DDX5: variants seen among roughly 807,000 people sequenced by gnomAD.
DDX5 encodes DEAD-box helicase 5, also known as probable ATP-dependent RNA helicase DDX5.
A neutral mutation model predicts 68.6 loss-of-function variants in DDX5; 6 were observed. That is an observed-to-expected ratio of 0.09 (90% CI 0.05 to 0.17). The LOEUF is 0.17. Ranked by LOEUF, DDX5 falls within the 10% of genes least tolerant of loss-of-function variation. The pLI, the probability that DDX5 is intolerant of heterozygous loss-of-function variation, is 1.00. For synonymous variants in DDX5, 350 were observed against 247.0 expected, an observed-to-expected ratio of 1.42 and a Z score of -3.91; for missense variants, 499 against 756.1, an observed-to-expected ratio of 0.66 and a Z score of 3.99.
At position 64,499,937 on chromosome 17, in the gene DDX5, C is replaced by T; in HGVS notation, c.1831G>A (p.Gly611Arg). ...APMIGYPMPTGYSQ is the reference protein window; with the variant it reads ...APMIGYPMPTRYSQ ...CTTCTAAAGTCTTATTGGGAATATC[C>T]TGTTGGCATTGGATAACCAATCATA... The change falls in exon 13 of 13, where the codon GGA becomes AGA. Residue 611 changes from glycine to arginine, a missense_variant. By Grantham distance (125) the Gly-to-Arg change is moderately radical. Around this residue, in one of 5 missense-constraint regions of DDX5, gnomAD observed 171 missense variants for 174.8 expected, o/e 0.98. Coordinates refer to ENST00000225792, the MANE Select transcript of DDX5 (RefSeq NM_004396.5). The T allele has an allele frequency of 1.2e-6, 2 of 1,602,566 alleles. No individual in the cohort carries two copies. The highest frequency in any genetic ancestry group is 1.7e-6 in the Non-Finnish European group (2 of 1,173,464).
rs1187106739 is a variant in DDX5, at chr17:64,506,248, G to A, written c.-129C>T. ...CGGAGGAAGGACACCGATGACACCAGCCGAAGCTGCACTACTAGAGACCGG... is the reference window on the plus strand; with the variant it reads ...CGGAGGAAGGACACCGATGACACCAACCGAAGCTGCACTACTAGAGACCGG... On this transcript the variant is annotated 5_prime_UTR_variant, in exon 1 of 13. Coordinates refer to ENST00000225792, the MANE Select transcript of DDX5 (RefSeq NM_004396.5). The A allele has an allele frequency of 3.9e-6, 6 of 1,547,988 alleles. No homozygotes were observed. The highest frequency in any genetic ancestry group is 1.7e-4 in the Middle Eastern group (1 of 5,986).
In DDX5 at chr17:64,503,532, C is replaced by T; in HGVS notation, c.547G>A (p.Val183Met). The change falls in exon 6 of 13, where the codon GTG becomes ATG. Residue 183 changes from valine (V) to methionine (M), a missense_variant. Coordinates refer to ENST00000225792, the MANE Select transcript of DDX5 (RefSeq NM_004396.5). ...LAPTRELAQQVQQVAAEYCRA... is the reference protein window; with the variant it reads ...LAPTRELAQQMQQVAAEYCRA... ...CAATATTCAGCAGCTACTTGCTGCACCTGTTGGGCCAGTTCCCGAGTTGGT... is the reference window on the plus strand; with the variant it reads ...CAATATTCAGCAGCTACTTGCTGCATCTGTTGGGCCAGTTCCCGAGTTGGT... 6.2e-7 allele frequency: 1 copy of T among 1,614,236 alleles called. No individual in the cohort carries two copies. The highest frequency in any genetic ancestry group is 1.3e-5 in the African/African-American group (1 of 75,064).
In DDX5 at chr17:64,499,366, G is replaced by A. The variant is rs2144242968; in HGVS notation, c.*557C>T. On this transcript the variant is annotated 3_prime_UTR_variant, in exon 13 of 13. Transcript: ENST00000225792. ...TTAAATGACTCCCCTGATGCTGGAA[G>A]CTGACAAAGCTTTTATGCAATTTAG... 6.6e-6 allele frequency among the ~76,000 whole-genome samples: 1 copy of A among 152,248 alleles called. No individual in the cohort carries two copies. Among genetic ancestry groups the A allele is most frequent in the East Asian group, 1.9e-4 (1 of 5,186 alleles).
chr17:64,505,858 A>G (rs565639302), intron 1 of DDX5: 48 of 1,536,012 alleles, frequency 3.1e-5, no homozygotes, highest in Non-Finnish European at 3.6e-5. Flanking sequence ...CAGCTCCCCA[A>G]TCCCCACACA....
rs544762345 is a variant in DDX5 at position 64,502,519 on chromosome 17, A to G, written c.1014T>C (p.Ser338=). Residue 338 remains serine, a synonymous_variant, in exon 9 of 13, where the codon AGT becomes AGC. Transcript: ENST00000225792. ...AAACAATGGTTTTATTCTCCTTCTC[A>G]CTCATGATCTCTTCCATTAGACGAA... ...KLIRLMEEIM[S]EKENKTIVFV... is the part of the protein sequence containing the mutation. 58 of 1,613,266 alleles carry G rather than the reference A, an allele frequency of 3.6e-5. No individual in the cohort carries two copies. The South Asian group carries it at 5.7e-4, about 16-fold the overall frequency.
chr17:64,504,256 C>T lies in DDX5; in HGVS notation c.273G>A (p.Lys91=), dbSNP rs1555671679. The change falls in exon 3 of 13, where the codon AAG becomes AAA. Residue 91 remains lysine (K), a synonymous_variant. Coordinates refer to ENST00000225792, the MANE Select transcript of DDX5 (RefSeq NM_004396.5). ...TGGCTTCATAAAAATTTAGAACTGG[C>T]TTCGGGCAGTTGTGACCTCTAACTG... ...EITVRGHNCP[K]PVLNFYEANF... is the part of the protein sequence containing the mutation. The T allele has an allele frequency of 6.2e-7, 1 of 1,614,134 alleles. No homozygotes were observed. The highest frequency in any genetic ancestry group is 8.5e-7 in the Non-Finnish European group (1 of 1,180,010).
At chr17:64,502,302 G>T in intron 9 of DDX5, 79 bp from the exon 10 acceptor site, 1 of 1,517,876 alleles carries the variant, frequency 6.6e-7, no homozygotes, top group Non-Finnish European at 9.1e-7. Context: ...TTTGGTCACA[G>T]ATCTCTTTAA....
chr17:64,506,544 G>A (rs1307073280), upstream of DDX5: 2 of 519,520 alleles, frequency 3.8e-6, no homozygotes, highest in South Asian at 5.1e-5. Context: ...CCTCAAGCAA[G>A]CCACCCCGCC....
chr17:64,500,060 C>G lies in DDX5; in HGVS notation c.1708G>C (p.Gly570Arg). 1.9e-6 allele frequency: 3 copies of G among 1,614,222 alleles called. No homozygotes were observed. Among genetic ancestry groups the G allele is most frequent in the Non-Finnish European group, 2.5e-6 (3 of 1,180,042 alleles). The change falls in exon 13 of 13, where the codon GGT becomes CGT. Residue 570 changes from glycine to arginine, a missense_variant. Gly to Arg is a moderately radical substitution (Grantham distance 125, BLOSUM62 -2). Transcript: ENST00000225792. Reference sequence around the variant, plus strand: ...CCGTATTGCTGAGTGCTATCATAACCATTCTGGTAAGTCCCTGTTGGATTA... The same window carrying G: ...CCGTATTGCTGAGTGCTATCATAACGATTCTGGTAAGTCCCTGTTGGATTA... The part of the protein sequence containing the change: ...TGNPTGTYQN[G>R]YDSTQQYGSN...
rs201304248 is a variant in DDX5 at position 64,503,168 on chromosome 17, A to G, written c.810+20T>C. On this transcript the variant is annotated intron_variant, in intron 7 of 12. Coordinates refer to ENST00000225792, the MANE Select transcript of DDX5 (RefSeq NM_004396.5). ...TGAAAACACAATTCAGTTTGATCACATATTTCAAAGGACACTTACTCTTAT... is the reference window on the plus strand; with the variant it reads ...TGAAAACACAATTCAGTTTGATCACGTATTTCAAAGGACACTTACTCTTAT... 38 of 1,613,442 alleles carry G rather than the reference A, an allele frequency of 2.4e-5. No individual in the cohort carries two copies. The highest frequency in any genetic ancestry group is 8.5e-6 in the Non-Finnish European group (10 of 1,179,672).
chr17:64,505,601 G>T (rs2038458256), intron 1 of DDX5: 2 of 868,802 alleles, frequency 2.3e-6, no homozygotes, highest in Non-Finnish European at 3.7e-6. Context: ...CGCCATGTCC[G>T]AGGCCGGCAT....
chr17:64,505,873 G>A (rs1325101167), intron 1 of DDX5: 3 of 1,535,848 alleles, frequency 2.0e-6, no homozygotes, highest in African/African-American at 1.4e-5. Context: ...CACACAAAAA[G>A]CAAGCTTGAA....
chr17:64,504,566 G>A, intron 2 of DDX5, 111 bp downstream of exon 2: 3 of 1,317,302 alleles, frequency 2.3e-6, no homozygotes, highest in Non-Finnish European at 2.1e-6. Context: ...TATGAAGTCA[G>A]AACATGTAAC....
upstream of DDX5, chr17:64,506,453 T>C (rs1463445557): frequency 1.6e-6 from 2 of 1,282,744 alleles, no homozygotes; most frequent in African/African-American, 3.0e-5. Context: ...CCCGCGCCAC[T>C]CTCTCAGGTC....
At chr17:64,502,295 G>A (rs2038316116) in intron 9 of DDX5, 72 bp from the exon 10 acceptor site, 6 of 1,541,846 alleles carry the variant, frequency 3.9e-6, no homozygotes, top group Non-Finnish European at 5.4e-6. Flanking sequence ...GACCACTTTT[G>A]GTCACAGATC....
In DDX5 at chr17:64,499,033, G is replaced by A. The variant is rs1481863370; in HGVS notation, c.*890C>T. The stretch of plus-strand genomic sequence containing the variant: ...AGTGTGACTAGTTAAGAGCCCCAGG[G>A]AGCCTGTGAAGACTAGAATCTACAA... On this transcript the variant is annotated 3_prime_UTR_variant, in exon 13 of 13. Transcript: ENST00000225792. 6.6e-6 allele frequency among the ~76,000 whole-genome samples: 1 copy of A among 152,204 alleles called. No individual in the cohort carries two copies. The highest frequency in any genetic ancestry group is 2.4e-5 in the African/African-American group (1 of 41,438).
rs1439823151 is a variant in DDX5, at chr17:64,499,008, A to AG, written c.*914dup. Among the ~76,000 whole-genome samples the AG allele has an allele frequency of 1.3e-5, 2 of 152,248 alleles. No homozygotes were observed. Among genetic ancestry groups the AG allele is most frequent in the Non-Finnish European group, 2.9e-5 (2 of 68,036 alleles). On this transcript the variant is annotated 3_prime_UTR_variant, in exon 13 of 13. Coordinates refer to ENST00000225792, the MANE Select transcript of DDX5 (RefSeq NM_004396.5). ...TATTGGAAAGACATTCATGACTCCC[A>AG]GTGTGACTAGTTAAGAGCCCCAGGG...
At chr17:64,506,020 A>ACCCCCCCCC in intron 1 of DDX5, 56 bp downstream of exon 1, 2 of 868,080 alleles carry the variant, frequency 2.3e-6, no homozygotes, top group South Asian at 1.4e-5. Context: ...CGCCACCCTG[A>ACCCCCCCCC]CCCGCCCTCC....
chr17:64,506,851 T>A (rs1445105147), upstream of DDX5: 1 of 608,968 alleles, frequency 1.6e-6, no homozygotes, highest in East Asian at 2.8e-5. Context: ...CGGGTTTTGG[T>A]CGGCGGAGAA....
Sources: gnomAD v4.1 joint callset for allele counts (sites outside exome capture counted in the v4.1 genomes callset) on GRCh38, gnomAD v4.1.1 for gene constraint, gnomAD v4.1.1 regional missense constraint, MANE v1.5 for transcripts, NCBI Gene and HGNC (gene_info 2026-07-23, HGNC 2026-07-21) for gene names.